The following LRP1B variants were observed in gnomAD, a reference collection of about 807,000 sequenced individuals.
The protein encoded by LRP1B is low-density lipoprotein receptor-related protein 1B.
LRP1B carries 217 observed loss-of-function variants against 556.6 expected under a neutral mutation model. The ratio of observed to expected loss-of-function variants is 0.39; its 90% CI spans 0.35 to 0.44. LRP1B has a LOEUF of 0.44. LRP1B is among the 20% of genes least tolerant of loss of function. LRP1B has a pLI of 1.00. For synonymous variants in LRP1B, 2,047 were observed against 1,865.8 expected (o/e 1.10, Z -2.50); for missense variants, 5,053 against 5,620.8 (o/e 0.90, Z 3.23).
chr2:141,785,334 T>G (rs1695394282), intron 2 of LRP1B, among the ~76,000 whole-genome samples: 1 of 151,956 alleles, frequency 6.6e-6, no homozygotes, highest in Non-Finnish European at 1.5e-5. Flanking sequence ...TCAGAGTTTA[T>G]CTGTTGCAGC....
chr2:141,213,745 T>C (rs1682664401), intron 6 of LRP1B, among the ~76,000 whole-genome samples: 1 of 152,250 alleles, frequency 6.6e-6, no homozygotes, highest in Non-Finnish European at 1.5e-5. Context: ...TCAATTGTAA[T>C]ACCAAATACA....
At chr2:141,184,566 T>C (rs144310269) in intron 7 of LRP1B, among the ~76,000 whole-genome samples, 1,812 of 151,636 alleles carry the variant, frequency 0.012, 36 homozygotes, top group African/African-American at 0.042. Context: ...TTTTCAATCG[T>C]GCTTCTCCAC....
intron 60 of LRP1B, among the ~76,000 whole-genome samples, chr2:140,467,204 T>G (rs1204126674): frequency 6.6e-6 from 1 of 152,174 alleles, no homozygotes; most frequent in Non-Finnish European, 1.5e-5. Flanking sequence ...ATGTAGTTAC[T>G]TTAACATAGC....
chr2:141,397,946 G>T (rs1385584995), intron 3 of LRP1B, among the ~76,000 whole-genome samples: 3 of 151,710 alleles, frequency 2.0e-5, no homozygotes, highest in South Asian at 4.1e-4. Context: ...AAACATCAGA[G>T]AGTTTAATGT....
At chr2:142,083,106 G>T (rs914647829) in intron 1 of LRP1B, among the ~76,000 whole-genome samples, 1 of 152,204 alleles carries the variant, frequency 6.6e-6, no homozygotes. Context: ...TCAAGGTAGA[G>T]GTTCATAGGC....
intron 3 of LRP1B, among the ~76,000 whole-genome samples, chr2:141,444,813 G>T (rs111938689): frequency 0.15 from 22,325 of 152,128 alleles, 1,881 homozygotes; most frequent in South Asian, 0.27. Flanking sequence ...TTGATGTGCT[G>T]CTGGATTCGG....
chr2:140,900,169 C>T (rs758618765), intron 23 of LRP1B, among the ~76,000 whole-genome samples: 4 of 152,092 alleles, frequency 2.6e-5, no homozygotes, highest in Non-Finnish European at 5.9e-5. Context: ...TATCTCTGTC[C>T]CTGGTCACCT....
chr2:142,071,680 C>G (rs1015747615), intron 1 of LRP1B, among the ~76,000 whole-genome samples: 1 of 151,882 alleles, frequency 6.6e-6, no homozygotes, highest in African/African-American at 2.4e-5. Context: ...ACCTGTAAAC[C>G]CTAAAATATT....
chr2:141,536,448 C>A (rs1438898471), intron 2 of LRP1B, among the ~76,000 whole-genome samples: 2 of 151,962 alleles, frequency 1.3e-5, no homozygotes, highest in Non-Finnish European at 2.9e-5. Context: ...TTTGTGAATG[C>A]TATACCCATC....
chr2:141,077,441 T>A (rs1012787578), intron 7 of LRP1B, among the ~76,000 whole-genome samples: 3 of 152,228 alleles, frequency 2.0e-5, no homozygotes, highest in Admixed American at 6.5e-5. Context: ...TCAGTCTTCA[T>A]GTCTTTATTT....
In LRP1B at chr2:141,632,070, T is replaced by C. The variant is rs78536350; in HGVS notation, c.206-151537A>G. ...CAGTAGTTGGGTGGGACCACAGGTATACATAACCATACCCAGATAATTTTT... is the reference window on the plus strand; with the variant it reads ...CAGTAGTTGGGTGGGACCACAGGTACACATAACCATACCCAGATAATTTTT... On this transcript the variant is annotated intron_variant, in intron 2 of 90. Coordinates refer to ENST00000389484, the MANE Select transcript of LRP1B (RefSeq NM_018557.3). Among the ~76,000 whole-genome samples the C allele has an allele frequency of 6.0e-3, 918 of 152,010 alleles. 13 individuals carry two copies. The highest frequency in any genetic ancestry group is 0.021 in the African/African-American group (877 of 41,468).
At chr2:141,204,496 G>C (rs1357156578) in intron 6 of LRP1B, among the ~76,000 whole-genome samples, 2 of 152,188 alleles carry the variant, frequency 1.3e-5, no homozygotes, top group Non-Finnish European at 2.9e-5. Context: ...AGTCCAAATA[G>C]AAATTGGGGT....
At chr2:140,696,308 C>A (rs1686428012) in intron 41 of LRP1B, among the ~76,000 whole-genome samples, 1 of 151,984 alleles carries the variant, frequency 6.6e-6, no homozygotes, top group Admixed American at 6.6e-5. Flanking sequence ...ACCTAAAAAG[C>A]TTTCAGAGAG....
At chr2:141,739,663 G>A (rs1410981097) in intron 2 of LRP1B, among the ~76,000 whole-genome samples, 3 of 144,342 alleles carry the variant, frequency 2.1e-5, no homozygotes, top group African/African-American at 5.2e-5. Flanking sequence ...AGCATAATTA[G>A]ATATTATCTA....
At chr2:140,805,802 TAAAG>T (rs950879013) in intron 32 of LRP1B, among the ~76,000 whole-genome samples, 3 of 152,058 alleles carry the variant, frequency 2.0e-5, no homozygotes, top group African/African-American at 7.2e-5. Context: ...GAGAAATAGA[TAAAG>T]AGATATATAT....
At chr2:140,265,620 A>G (rs192608759) in intron 86 of LRP1B, among the ~76,000 whole-genome samples, 151 of 152,260 alleles carry the variant, frequency 9.9e-4, no homozygotes, top group Non-Finnish European at 1.7e-3. Flanking sequence ...CTCTATGAAG[A>G]AAATAAAAAT....
intron 41 of LRP1B, 104 bp from the exon 42 acceptor site, chr2:140,601,743 C>A: frequency 1.6e-6 from 1 of 623,088 alleles, no homozygotes; most frequent in South Asian, 5.1e-5. Flanking sequence ...GTTATTTCAT[C>A]AACCATTTCT....
intron 41 of LRP1B, among the ~76,000 whole-genome samples, chr2:140,682,811 G>A (rs1685909762): frequency 6.6e-6 from 1 of 152,068 alleles, no homozygotes; most frequent in South Asian, 2.1e-4. Context: ...CCTGAGACAA[G>A]AGACAGAATG....
intron 43 of LRP1B, among the ~76,000 whole-genome samples, chr2:140,575,454 T>C (rs1681482143): frequency 6.6e-6 from 1 of 152,214 alleles, no homozygotes; most frequent in Non-Finnish European, 1.5e-5. Flanking sequence ...ATGTAAGGTA[T>C]GTTTTCCAAT....
Sources: allele counts gnomAD v4.1 joint callset (sites outside exome capture counted in the v4.1 genomes callset), GRCh38; gene constraint gnomAD v4.1.1; transcripts MANE v1.5; gene names NCBI Gene and HGNC (gene_info 2026-07-23, HGNC 2026-07-21).